R3HCC1: variants seen among roughly 807,000 people sequenced by gnomAD.
The protein encoded by R3HCC1 is R3H domain and coiled-coil containing 1, also known as R3H and coiled-coil domain-containing protein 1.
In R3HCC1, 32 loss-of-function variants were observed where a neutral mutation model predicts 40.0. That is an observed-to-expected ratio of 0.80 (90% CI 0.60 to 1.07). R3HCC1 has a LOEUF of 1.07. Ranked by LOEUF, R3HCC1 falls within the 50% of genes least tolerant of loss-of-function variation. The pLI, the probability that R3HCC1 is intolerant of heterozygous loss-of-function variation, is 0.00. For missense variants in R3HCC1, 586 were observed against 563.3 expected, an observed-to-expected ratio of 1.04 and a Z score of -0.41; for synonymous variants, 237 against 232.8, an observed-to-expected ratio of 1.02 and a Z score of -0.17.
intron 7 of R3HCC1, chr8:23,295,520 A>G (rs1312067611): frequency 2.2e-6 from 1 of 459,968 alleles, no homozygotes; most frequent in Non-Finnish European, 4.4e-6. Flanking sequence ...AACTAGTAAA[A>G]TGGACCTGCA....
chr8:23,296,131 C>T lies in R3HCC1; in HGVS notation c.*34C>T, dbSNP rs1220094463. 3 of 1,534,730 alleles carry T rather than the reference C, an allele frequency of 2.0e-6. No individual in the cohort carries two copies. Among genetic ancestry groups the T allele is most frequent in the Non-Finnish European group, 2.6e-6 (3 of 1,138,712 alleles). The stretch of plus-strand genomic sequence containing the variant: ...GACCCAACTGGCCTGGATCTGCGTC[C>T]CGACGTAGCTGGCGCCCCCAACACC... On this transcript the variant is annotated 3_prime_UTR_variant, in exon 8 of 8. Coordinates refer to ENST00000265806, the MANE Select transcript of R3HCC1 (RefSeq NM_001136108.3).
In R3HCC1 at chr8:23,288,548, G is replaced by A; in HGVS notation, c.25G>A (p.Val9Ile). ...CCTGGCCCTTCTCTGCTTGGATGGT[G>A]TCTTCCTCTCCTCAGCCGAGAATGA... Residue 9 changes from valine to isoleucine, a missense_variant, in exon 2 of 8, where the codon GTC becomes ATC. Coordinates refer to ENST00000265806, the MANE Select transcript of R3HCC1 (RefSeq NM_001136108.3). 3 of 1,536,046 alleles carry A rather than the reference G, an allele frequency of 2.0e-6. No homozygotes were observed. The highest frequency in any genetic ancestry group is 1.2e-5 in the South Asian group (1 of 84,052).
chr8:23,288,186 C>T lies in R3HCC1; in HGVS notation c.-19+29C>T, dbSNP rs1225965806. 3.3e-6 allele frequency: 4 copies of T among 1,202,690 alleles called. No homozygotes were observed. The African/African-American group carries it at 6.4e-5, about 19-fold the overall frequency. 74.5% of individuals were successfully genotyped at this position (1,202,690 alleles called of 1,614,324 possible). On this transcript the variant is annotated intron_variant, in intron 1 of 7. Transcript: ENST00000265806. ...AGTGCAGCAGCACTGGGGGGGTGGT[C>T]GTCCCGACCCCCGGGCTCCCGGGTG... is the stretch of plus-strand genomic sequence containing the variant.
At position 23,288,160 on chromosome 8, in the gene R3HCC1, G is replaced by C; in HGVS notation, c.-19+3G>C. 8.1e-7 allele frequency: 1 copy of C among 1,235,262 alleles called. No homozygotes were observed. The highest frequency in any genetic ancestry group is 1.0e-6 in the Non-Finnish European group (1 of 968,260). The allele number at this position is 1,235,262 out of a possible 1,614,324, so 76.5% of individuals were successfully genotyped here. ...CTGCGACGCGCCGAGAGGCCGCGGT[G>C]AGTGCAGCAGCACTGGGGGGGTGGT... On this transcript the variant is annotated splice_donor_region_variant and intron_variant, in intron 1 of 7. Transcript: ENST00000265806.
intron 5 of R3HCC1, among the ~76,000 whole-genome samples, chr8:23,291,893 G>A (rs979783402): frequency 3.9e-5 from 6 of 152,288 alleles, no homozygotes; most frequent in South Asian, 4.1e-4. Flanking sequence ...TCTCCAGCAG[G>A]CTACGGGCCA....
chr8:23,293,342 C>T lies in R3HCC1; in HGVS notation c.1065C>T (p.His355=), dbSNP rs758476576. The T allele has an allele frequency of 6.9e-5, 107 of 1,551,224 alleles. 1 individual carries two copies. Among genetic ancestry groups the T allele is most frequent in the Admixed American group, 2.0e-4 (10 of 50,984 alleles). ...GGATTCAGTGGGTGGATGATACTCA[C>T]GCACTCGGCATCTTTCCCTGCCTGG... Residue 355 remains histidine, a synonymous_variant, in exon 6 of 8, where the codon CAC becomes CAT. Transcript: ENST00000265806.
rs115467371 is a variant in R3HCC1 at position 23,292,228 on chromosome 8, A to G, written c.1025+695A>G. On this transcript the variant is annotated intron_variant, in intron 5 of 7. Transcript: ENST00000265806. Reference sequence around the variant, plus strand: ...CTGCAGCCTCAACCTCCTGGGCTCAAGTGATCCTCCCACCTTCGTCTCCCA... The same window carrying G: ...CTGCAGCCTCAACCTCCTGGGCTCAGGTGATCCTCCCACCTTCGTCTCCCA... Among the ~76,000 whole-genome samples the G allele has an allele frequency of 3.8e-3, 583 of 152,152 alleles. 3 individuals are homozygous for G. Among genetic ancestry groups the G allele is most frequent in the African/African-American group, 0.013 (546 of 41,516 alleles).
chr8:23,290,469 G>A lies in R3HCC1; in HGVS notation c.852G>A (p.Glu284=). 6.5e-7 allele frequency: 1 copy of A among 1,547,168 alleles called. No individual in the cohort carries two copies. The highest frequency in any genetic ancestry group is 2.4e-5 in the East Asian group (1 of 40,902). The stretch of plus-strand genomic sequence containing the variant: ...ACGATTACAGTGAGCTGCTGCAGGA[G>A]GTGATGAGGCTCTTGAGCCCGAAAA... The change falls in exon 4 of 8, where the codon GAG becomes GAA. Residue 284 remains glutamate (E), a splice_region_variant and synonymous_variant. Transcript: ENST00000265806.
chr8:23,296,227 A>G lies in R3HCC1; in HGVS notation c.*130A>G. On this transcript the variant is annotated 3_prime_UTR_variant, in exon 8 of 8. Coordinates refer to ENST00000265806, the MANE Select transcript of R3HCC1 (RefSeq NM_001136108.3). ...TTCACCATGGGGTGTGGTGGGCTTTAGTTTAGTCCCAGAAATGGAGAAAAA... is the reference window on the plus strand; with the variant it reads ...TTCACCATGGGGTGTGGTGGGCTTTGGTTTAGTCCCAGAAATGGAGAAAAA... The G allele has an allele frequency of 9.2e-7, 1 of 1,086,390 alleles. No individual in the cohort carries two copies. The highest frequency in any genetic ancestry group is 1.3e-6 in the Non-Finnish European group (1 of 790,406). The allele number at this position is 1,086,390 out of a possible 1,614,324, so 67.3% of individuals were successfully genotyped here.
At chr8:23,292,121 G>A (rs1802880642) in intron 5 of R3HCC1, among the ~76,000 whole-genome samples, 1 of 151,826 alleles carries the variant, frequency 6.6e-6, no homozygotes, top group Non-Finnish European at 1.5e-5. Flanking sequence ...TTCCTGCTCA[G>A]GCTTTCTTTC....
intron 3 of R3HCC1, 49 bp from the exon 4 acceptor site, chr8:23,289,817 C>T: frequency 6.9e-7 from 1 of 1,443,690 alleles, no homozygotes; most frequent in Non-Finnish European, 9.1e-7. Context: ...AAATCATTTT[C>T]CTTTGGGCCC....
At chr8:23,291,574 T>C in intron 5 of R3HCC1, 41 bp downstream of exon 5, 1 of 1,545,340 alleles carries the variant, frequency 6.5e-7, no homozygotes, top group Non-Finnish European at 8.7e-7. Context: ...AGAGAGGAGC[T>C]AAGATACTTC....
chr8:23,293,450 GC>G, intron 6 of R3HCC1, 77 bp downstream of exon 6: 1 of 1,160,056 alleles, frequency 8.6e-7, no homozygotes, highest in Non-Finnish European at 1.3e-6. Context: ...CTGGGTAGAG[GC>G]CACCATCTCC....
At chr8:23,288,340 A>C (rs953385992) in intron 1 of R3HCC1, 166 bp from the exon 2 acceptor site, 1 of 1,124,112 alleles carries the variant, frequency 8.9e-7, no homozygotes, top group Non-Finnish European at 1.2e-6. Flanking sequence ...GAGCCAGGAG[A>C]CCCCTTCCCT....
rs1802944333 is a variant in R3HCC1, at chr8:23,294,466, G to A, written c.1097-303G>A. ...GGGGAGAGGTTGTGTTTAGCCCTGG[G>A]GCTTTGGAAACTGGGAGCCCGCCTC... On this transcript the variant is annotated intron_variant, in intron 6 of 7. Coordinates refer to ENST00000265806, the MANE Select transcript of R3HCC1 (RefSeq NM_001136108.3). Among the ~76,000 whole-genome samples, 3 of 152,182 alleles carry A rather than the reference G, an allele frequency of 2.0e-5. No homozygotes were observed. The South Asian group carries it at 6.2e-4, about 32-fold the overall frequency.
At chr8:23,295,777 T>G in intron 7 of R3HCC1, 190 bp from the exon 8 acceptor site, 1 of 793,342 alleles carries the variant, frequency 1.3e-6, no homozygotes, top group Admixed American at 3.0e-5. Flanking sequence ...CAGCATCCCC[T>G]GGGGGGCCAG....
chr8:23,289,775 A>C, intron 3 of R3HCC1, 91 bp from the exon 4 acceptor site: 2 of 1,430,070 alleles, frequency 1.4e-6, no homozygotes, highest in Non-Finnish European at 1.8e-6. Context: ...TGCTGACCCG[A>C]ATGTCTCTCC....
rs1217359941 is a variant in R3HCC1, at chr8:23,288,465, G to A, written c.-18-41G>A. ...TTGCGGGGTCGCGGGAGATCCGGGG[G>A]TCTGTGCTCTGATTCCCGGCCCTGC... On this transcript the variant is annotated intron_variant, in intron 1 of 7. Coordinates refer to ENST00000265806, the MANE Select transcript of R3HCC1 (RefSeq NM_001136108.3). The A allele has an allele frequency of 3.3e-6, 5 of 1,533,292 alleles. No homozygotes were observed. In the Admixed American group the frequency reaches 5.9e-5, roughly 18 times the overall value. 95.0% of individuals were successfully genotyped at this position (1,533,292 alleles called of 1,614,324 possible).
intron 7 of R3HCC1, 50 bp downstream of exon 7, chr8:23,294,914 C>A: frequency 8.4e-7 from 1 of 1,187,818 alleles, no homozygotes; most frequent in Non-Finnish European, 1.2e-6. Context: ...TGTGTGTGTG[C>A]GTGCGAGCAT....
Sources: allele counts gnomAD v4.1 joint callset (sites outside exome capture counted in the v4.1 genomes callset), GRCh38; gene constraint gnomAD v4.1.1; transcripts MANE v1.5; gene names NCBI Gene and HGNC (gene_info 2026-07-23, HGNC 2026-07-21).